The following TMEM108 variants were observed in gnomAD, a reference collection of about 807,000 sequenced individuals.
The protein encoded by TMEM108 is cancer/testis antigen 124.
TMEM108 carries 12 observed loss-of-function variants against 35.1 expected under a neutral mutation model. The ratio of observed to expected loss-of-function variants is 0.34; its 90% CI spans 0.22 to 0.55. The LOEUF is 0.55. Among genes scored for constraint, TMEM108 ranks in the 20% least tolerant of loss-of-function variants. The pLI, the probability that TMEM108 is intolerant of heterozygous loss-of-function variation, is 0.89. For missense variants in TMEM108, 680 were observed against 753.3 expected, an observed-to-expected ratio of 0.90 and a Z score of 1.14; for synonymous variants, 287 against 308.6, an observed-to-expected ratio of 0.93 and a Z score of 0.73.
At chr3:133,062,558 C>T (rs928992583) in intron 2 of TMEM108, among the ~76,000 whole-genome samples, 1 of 152,200 alleles carries the variant, frequency 6.6e-6, no homozygotes, top group Admixed American at 6.5e-5. Flanking sequence ...AACATTCTAA[C>T]CCAGGACACA....
At chr3:133,141,419 A>G (rs1032683291) in intron 2 of TMEM108, among the ~76,000 whole-genome samples, 1 of 152,202 alleles carries the variant, frequency 6.6e-6, no homozygotes, top group Non-Finnish European at 1.5e-5. Flanking sequence ...GGCAAAAGAA[A>G]ACTGCAAGGA....
chr3:133,282,876 G>A (rs1946934592), intron 3 of TMEM108, among the ~76,000 whole-genome samples: 1 of 152,188 alleles, frequency 6.6e-6, no homozygotes, highest in African/African-American at 2.4e-5. Context: ...CTAAGGAGCA[G>A]TTAAAAAGAG....
intron 3 of TMEM108, among the ~76,000 whole-genome samples, chr3:133,235,321 C>T (rs1946219157): frequency 6.6e-6 from 1 of 152,086 alleles, no homozygotes; most frequent in African/African-American, 2.4e-5. Flanking sequence ...AAGAACAAAG[C>T]TGGAGGCATC....
intron 3 of TMEM108, among the ~76,000 whole-genome samples, chr3:133,277,502 C>G (rs2107686098): frequency 6.6e-6 from 1 of 152,232 alleles, no homozygotes; most frequent in African/African-American, 2.4e-5. Flanking sequence ...AAAGGGATAG[C>G]CATGGGAGAG....
At chr3:133,174,675 GTA>G (rs1210228825) in intron 2 of TMEM108, among the ~76,000 whole-genome samples, 1 of 152,154 alleles carries the variant, frequency 6.6e-6, no homozygotes, top group African/African-American at 2.4e-5. Context: ...AAACCCATCA[GTA>G]CATCACCATC....
intron 3 of TMEM108, among the ~76,000 whole-genome samples, chr3:133,336,246 C>A (rs2071498865): frequency 6.6e-6 from 1 of 152,114 alleles, no homozygotes; most frequent in Non-Finnish European, 1.5e-5. Flanking sequence ...TGCCACCTTT[C>A]CCCCAACCTA....
chr3:133,330,203 A>G (rs1263439770), intron 3 of TMEM108, among the ~76,000 whole-genome samples: 2 of 152,304 alleles, frequency 1.3e-5, no homozygotes, highest in Non-Finnish European at 1.5e-5. Flanking sequence ...TCTGCTGGCC[A>G]TGCTTCCCCT....
chr3:133,309,324 T>C (rs1332585733), intron 3 of TMEM108, among the ~76,000 whole-genome samples: 4 of 152,152 alleles, frequency 2.6e-5, no homozygotes, highest in Non-Finnish European at 5.9e-5. Context: ...TCCTGGATTC[T>C]TTGATTTTTT....
At chr3:133,387,544 C>T (rs1042792865) in intron 4 of TMEM108, 4 of 985,242 alleles carry the variant, frequency 4.1e-6, no homozygotes, top group African/African-American at 1.7e-5. Flanking sequence ...GCACTGGACT[C>T]GGGGGCGGAG....
intron 2 of TMEM108, among the ~76,000 whole-genome samples, chr3:133,133,687 T>C (rs564629615): frequency 1.4e-3 from 215 of 151,954 alleles, no homozygotes; most frequent in Non-Finnish European, 2.4e-3. Flanking sequence ...TTTCCTTTTT[T>C]TTTCTTTCTT....
intron 2 of TMEM108, among the ~76,000 whole-genome samples, chr3:133,109,422 G>A (rs1463075739): frequency 6.6e-6 from 1 of 152,008 alleles, no homozygotes; most frequent in Non-Finnish European, 1.5e-5. Flanking sequence ...GAGCTCAGGA[G>A]TTTGAGACCA....
intron 2 of TMEM108, among the ~76,000 whole-genome samples, chr3:133,179,110 C>A (rs1324255159): frequency 1.3e-5 from 2 of 151,680 alleles, no homozygotes; most frequent in Non-Finnish European, 1.5e-5. Flanking sequence ...AATGAGATAC[C>A]ATCTCACACC....
At position 133,211,970 on chromosome 3, in the gene TMEM108, G is replaced by A. The variant is rs368621232; in HGVS notation, c.-46-17296G>A. On this transcript the variant is annotated intron_variant, in intron 2 of 5. Transcript: ENST00000321871. ...AAGGGAAATATGAAAGAGAAGAGCA[G>A]AAAGGAGCTCTATTACAGGTGGGAT... Among the ~76,000 whole-genome samples, 88 of 152,280 alleles carry A rather than the reference G, an allele frequency of 5.8e-4. 1 individual carries two copies. Among genetic ancestry groups the A allele is most frequent in the African/African-American group, 1.9e-3 (78 of 41,570 alleles).
At chr3:133,328,936 A>T (rs113529718) in intron 3 of TMEM108, among the ~76,000 whole-genome samples, 3 of 152,254 alleles carry the variant, frequency 2.0e-5, no homozygotes, top group African/African-American at 7.2e-5. Context: ...TTTCAGTCTC[A>T]TCGTGCTAAA....
chr3:133,143,997 A>ATTTTATTTTATTTTATTTT (rs1944678401), intron 2 of TMEM108, among the ~76,000 whole-genome samples: 1 of 140,318 alleles, frequency 7.1e-6, no homozygotes, highest in African/African-American at 2.9e-5. Flanking sequence ...CTTTGCTTTA[A>ATTTTATTTTATTTTATTTT]ATTCTGGGGT....
chr3:133,112,295 G>A (rs1239959465), intron 2 of TMEM108, among the ~76,000 whole-genome samples: 5 of 152,094 alleles, frequency 3.3e-5, no homozygotes, highest in African/African-American at 7.2e-5. Context: ...ATGGCAAAAT[G>A]TATCAGTGAC....
intron 2 of TMEM108, among the ~76,000 whole-genome samples, chr3:133,188,438 T>TTA (rs397762500): frequency 6.0e-5 from 9 of 151,236 alleles, no homozygotes; most frequent in African/African-American, 2.2e-4. Context: ...TTTTTTTTTT[T>TTA]ATCCTTAGGA....
intron 2 of TMEM108, among the ~76,000 whole-genome samples, chr3:133,198,364 C>G (rs1945610417): frequency 6.6e-6 from 1 of 152,044 alleles, no homozygotes; most frequent in African/African-American, 2.4e-5. Flanking sequence ...CCATTCAGGG[C>G]CACATGGGAG....
chr3:133,139,387 TACTA>T (rs1213902260), intron 2 of TMEM108, among the ~76,000 whole-genome samples: 1 of 152,232 alleles, frequency 6.6e-6, no homozygotes, highest in East Asian at 1.9e-4. Flanking sequence ...GTTGATTTTC[TACTA>T]ACTTTTTAGA....
Sources: allele counts gnomAD v4.1 joint callset (sites outside exome capture counted in the v4.1 genomes callset), GRCh38; gene constraint gnomAD v4.1.1; transcripts MANE v1.5; gene names NCBI Gene and HGNC (gene_info 2026-07-23, HGNC 2026-07-21).